The following PTX4 variants were observed in gnomAD, a reference collection of about 807,000 sequenced individuals.
PTX4 encodes pentraxin-4.
PTX4 carries 23 observed loss-of-function variants against 19.1 expected under a neutral mutation model. The ratio of observed to expected loss-of-function variants is 1.20; its 90% CI spans 0.87 to 1.70. The LOEUF is 1.70. Among genes scored for constraint, PTX4 ranks in the 40% most tolerant of loss-of-function variants. PTX4 has a pLI of 0.00. For missense variants in PTX4, 678 were observed against 610.5 expected (o/e 1.11, Z -1.17); for synonymous variants, 317 against 279.6 (o/e 1.13, Z -1.33).
intron 1 of PTX4, chr16:1,488,493 C>T (rs1186965474): frequency 6.2e-7 from 1 of 1,605,062 alleles, no homozygotes; most frequent in South Asian, 1.1e-5. Context: ...CCATGGCCCC[C>T]AGTTCCCCTG....
chr16:1,486,579 A>T lies in PTX4; in HGVS notation c.797T>A (p.Ile266Asn). The part of the protein sequence containing the change: ...QAWSPQVPGE[I>N]CGVGPTLVFP... ...AACGAGGGTGGGGCCCACGCCGCAA[A>T]CTAGAAACAGAGGAGGGAGGGTCAA... Residue 266 changes from isoleucine to asparagine, a missense_variant and splice_region_variant, in exon 3 of 3, where the codon ATT becomes AAT. Physicochemically the swap from Ile to Asn is moderately radical, Grantham distance 149. Coordinates refer to ENST00000447419, the MANE Select transcript of PTX4 (RefSeq NM_001328608.2). 6.5e-7 allele frequency: 1 copy of T among 1,539,364 alleles called. No homozygotes were observed. The highest frequency in any genetic ancestry group is 1.3e-5 in the South Asian group (1 of 78,162).
In PTX4 at chr16:1,486,172, C is replaced by A; in HGVS notation, c.1204G>T (p.Val402Leu). The A allele has an allele frequency of 1.9e-6, 3 of 1,614,044 alleles. No homozygotes were observed. The highest frequency in any genetic ancestry group is 2.5e-6 in the Non-Finnish European group (3 of 1,179,974). The change falls in exon 3 of 3, where the codon GTG becomes TTG. Residue 402 changes from valine to leucine, a missense_variant. Val to Leu is a conservative substitution (Grantham distance 32). Transcript: ENST00000447419. Reference protein sequence around the residue: ...GYEIPPGGSLVLGQEQDSVGG... With the variant: ...GYEIPPGGSLLLGQEQDSVGG... ...ACGCTGTCTTGTTCCTGGCCCAGCACGAGGGACCCTCCGGGGGGGATCTCA... is the reference window on the plus strand; with the variant it reads ...ACGCTGTCTTGTTCCTGGCCCAGCAAGAGGGACCCTCCGGGGGGGATCTCA...
rs534532536 is a variant in PTX4 at position 1,486,370 on chromosome 16, C to T, written c.1006G>A (p.Gly336Arg). Residue 336 changes from glycine to arginine, a missense_variant, in exon 3 of 3, where the codon GGA (glycine) becomes AGA (arginine). Transcript: ENST00000447419. Reference sequence around the variant, plus strand: ...TCCCCGATCACGAAGTGGATGGATCCGGGCAGCAGGGAGTCTCGGCCGTGC... The same window carrying T: ...TCCCCGATCACGAAGTGGATGGATCTGGGCAGCAGGGAGTCTCGGCCGTGC... ...VLHGRDSLLP[G>R]SIHFVIGDPA... is the part of the protein sequence containing the mutation. 7 of 1,613,850 alleles carry T rather than the reference C, an allele frequency of 4.3e-6. No individual in the cohort carries two copies. The highest frequency in any genetic ancestry group is 1.6e-4 in the Middle Eastern group (1 of 6,084).
Position 1,488,770 on chromosome 16 carries a change from T to C in PTX4, c.140A>G (p.Gln47Arg). 1 of 696,874 alleles carries C rather than the reference T, an allele frequency of 1.4e-6. No individual in the cohort carries two copies. Among genetic ancestry groups the C allele is most frequent in the Non-Finnish European group, 2.6e-6 (1 of 382,036 alleles). The allele number at this position is 696,874 out of a possible 1,614,324, so 43.2% of individuals were successfully genotyped here. A position where few individuals can be genotyped will look rare whatever the true frequency, so the allele number is the denominator to read the frequency against. The change falls in exon 1 of 3, where the codon CAG becomes CGG. Residue 47 changes from glutamine to arginine, a missense_variant and splice_region_variant. Physicochemically the swap from Gln to Arg is conservative, Grantham distance 43. Coordinates refer to ENST00000447419, the MANE Select transcript of PTX4 (RefSeq NM_001328608.2). ...CGCCATGTCAGGGGTATAACTTGCC[T>C]GTTCCTCCAGCCTACGGAGCCTCTC... is the stretch of plus-strand genomic sequence containing the variant. ...FFERLRRLEE[Q>R]FRRFQEVTWT... is the part of the protein sequence containing the mutation.
rs747248914 is a variant in PTX4, at chr16:1,488,436, G to A, written c.141+333C>T. On this transcript the variant is annotated intron_variant, in intron 1 of 2. Coordinates refer to ENST00000447419, the MANE Select transcript of PTX4 (RefSeq NM_001328608.2). ...CCGTTCACACCGACTGCCACAAGGT[G>A]GACCTGTGACCTCCCAGTTTCCACT... 2.5e-6 allele frequency: 4 copies of A among 1,613,722 alleles called. No individual in the cohort carries two copies. The Admixed American group carries it at 5.0e-5, about 20-fold the overall frequency.
In PTX4 at chr16:1,486,241, C is replaced by G. The variant is rs768494611; in HGVS notation, c.1135G>C (p.Asp379His). ...STQGRYWLHV[D>H]RRLVATGSRF... ...GAGCCGGTGGCCACCAGCCTGCGAT[C>G]CACGTGGAGCCAGTACCTGCCCTGG... is the stretch of plus-strand genomic sequence containing the variant. Residue 379 changes from aspartate (D) to histidine (H), a missense_variant, in exon 3 of 3, where the codon GAT becomes CAT. By Grantham distance (81) the Asp-to-His change is moderately conservative (BLOSUM62 -1). Coordinates refer to ENST00000447419, the MANE Select transcript of PTX4 (RefSeq NM_001328608.2). 2.5e-6 allele frequency: 4 copies of G among 1,612,194 alleles called. No homozygotes were observed. The highest frequency in any genetic ancestry group is 3.4e-6 in the Non-Finnish European group (4 of 1,179,140).
intron 1 of PTX4, chr16:1,488,272 G>C (rs1230813611): frequency 1.9e-6 from 3 of 1,572,804 alleles, no homozygotes; most frequent in Non-Finnish European, 2.6e-6. Context: ...CGTGATTCCA[G>C]CTCCTGCCTG....
In PTX4 at chr16:1,486,067, C is replaced by G. The variant is rs148351264; in HGVS notation, c.1309G>C (p.Gly437Arg). The change falls in exon 3 of 3, where the codon GGG becomes CGG. Residue 437 changes from glycine to arginine, a missense_variant. Physicochemically the swap from Gly to Arg is moderately radical, Grantham distance 125 (BLOSUM62 -2). Coordinates refer to ENST00000447419, the MANE Select transcript of PTX4 (RefSeq NM_001328608.2). ...CCGATGGCAAGGTTTGCAACTTCCC[C>G]GGGAACCAGCGCCCGATCCCAGATA... ...LAIWDRALVP[G>R]EVANLAIGKE... 410 of 1,614,198 alleles carry G rather than the reference C, an allele frequency of 2.5e-4. 3 individuals are homozygous for G. The highest frequency in any genetic ancestry group is 8.6e-5 in the Non-Finnish European group (102 of 1,180,024).
In PTX4 at chr16:1,488,865, A is replaced by G. The variant is rs1303235603; in HGVS notation, c.45T>C (p.Phe15=). 3 of 701,670 alleles carry G rather than the reference A, an allele frequency of 4.3e-6. No homozygotes were observed. In the Admixed American group the frequency reaches 6.0e-5, roughly 14 times the overall value. The allele number at this position is 701,670 out of a possible 1,614,324, so 43.5% of individuals were successfully genotyped here. Residue 15 remains phenylalanine, a synonymous_variant, in exon 1 of 3, where the codon TTT becomes TTC. Coordinates refer to ENST00000447419, the MANE Select transcript of PTX4 (RefSeq NM_001328608.2). ...WRKTLSFFLV[F]VPIYLHGASS... ...AAGCCCCATGTAGATATATAGGCAC[A>G]AAAACAAGGAAGAAAGACAAGGTCT...
Position 1,488,826 on chromosome 16 carries a change from G to A in PTX4, c.84C>T (p.Ala28=), listed in dbSNP as rs879206454. Residue 28 remains alanine (A), a synonymous_variant, in exon 1 of 3, where the codon GCC becomes GCT. Transcript: ENST00000447419. Reference sequence around the variant, plus strand: ...ACGGTTTCCTGGGCCCCACTGGGGCGGCTTCCTGCGATGAAGCCCCATGTA... The same window carrying A: ...ACGGTTTCCTGGGCCCCACTGGGGCAGCTTCCTGCGATGAAGCCCCATGTA... ...IYLHGASSQE[A]APVGPRKPFF... is the part of the protein sequence containing the mutation. 2.3e-5 allele frequency: 16 copies of A among 702,390 alleles called. No homozygotes were observed. The highest frequency in any genetic ancestry group is 1.5e-4 in the South Asian group (10 of 67,590). 43.5% of individuals were successfully genotyped at this position (702,390 alleles called of 1,614,324 possible). A position where few individuals can be genotyped will look rare whatever the true frequency, so the allele number is the denominator to read the frequency against.
At position 1,487,888 on chromosome 16, in the gene PTX4, CG is replaced by C. The variant is rs1264706264; in HGVS notation, c.223del (p.Arg75GlyfsTer34). ...NYNVSYNVDV[R>X]FRSLAEESQA... ...GCTCTCTTCCGCCAGGCTCCGGAAC[CG>C]GACGTCAACGTTGTAGGACACGTTG... is the stretch of plus-strand genomic sequence containing the variant. On this transcript the variant is annotated frameshift_variant, in exon 2 of 3. Transcript: ENST00000447419. LOFTEE classifies it high-confidence loss of function. The C allele has an allele frequency of 1.6e-5, 25 of 1,612,708 alleles. No individual in the cohort carries two copies. Among genetic ancestry groups the C allele is most frequent in the Non-Finnish European group, 2.0e-5 (24 of 1,179,840 alleles).
chr16:1,486,286 A>G lies in PTX4; in HGVS notation c.1090T>C (p.Cys364Arg), dbSNP rs1456179406. 4 of 1,613,680 alleles carry G rather than the reference A, an allele frequency of 2.5e-6. No homozygotes were observed. Among genetic ancestry groups the G allele is most frequent in the Non-Finnish European group, 3.4e-6 (4 of 1,179,972 alleles). Residue 364 changes from cysteine (C) to arginine (R), a missense_variant, in exon 3 of 3, where the codon TGT (cysteine) becomes CGT (arginine). By Grantham distance (180) the Cys-to-Arg change is radical. Coordinates refer to ENST00000447419, the MANE Select transcript of PTX4 (RefSeq NM_001328608.2). ...CCCTGGGTGGACGTCCAGATGACAC[A>G]GATGTGGTGCCACTGGCCGTCCAGC... ...LLLDGQWHHI[C>R]VIWTSTQGRY...
At chr16:1,486,709 G>T in intron 2 of PTX4, 130 bp from the exon 3 acceptor site, 1 of 967,774 alleles carries the variant, frequency 1.0e-6, no homozygotes, top group Non-Finnish European at 1.5e-6. Context: ...ACTCTGCGCT[G>T]GCCCTGCCGA....
Position 1,486,441 on chromosome 16 carries a change from G to A in PTX4, c.935C>T (p.Thr312Ile). The A allele has an allele frequency of 6.2e-7, 1 of 1,613,824 alleles. No individual in the cohort carries two copies. Among genetic ancestry groups the A allele is most frequent in the Non-Finnish European group, 8.5e-7 (1 of 1,179,930 alleles). ...WVRTASGRLG[T>I]LLSYATEDND... ...GTCCTCGGTGGCGTAGGACAGGAGG[G>A]TGCCCAGGCGGCCGGAGGCCGTGCG... is the stretch of plus-strand genomic sequence containing the variant. The change falls in exon 3 of 3, where the codon ACC becomes ATC. Residue 312 changes from threonine (T) to isoleucine (I), a missense_variant. Coordinates refer to ENST00000447419, the MANE Select transcript of PTX4 (RefSeq NM_001328608.2).
intron 2 of PTX4, among the ~76,000 whole-genome samples, chr16:1,486,803 C>T (rs964782572): frequency 2.0e-5 from 3 of 152,216 alleles, no homozygotes; most frequent in South Asian, 2.1e-4. Context: ...GAGGGCCGTA[C>T]TCGGGAGTGG....
At position 1,487,766 on chromosome 16, in the gene PTX4, G is replaced by A. The variant is rs1335743098; in HGVS notation, c.346C>T (p.Arg116Trp). ...GCCCGCAGCCGCGTGTCTACTTTCC[G>A]GCCTCGGCGCTGCAGCTTCCTCACC... is the stretch of plus-strand genomic sequence containing the variant. ...AWVRKLQRRG[R>W]KVDTRLRALD... is the part of the protein sequence containing the mutation. Residue 116 changes from arginine (R) to tryptophan (W), a missense_variant, in exon 2 of 3, where the codon CGG becomes TGG. Physicochemically the swap from Arg to Trp is moderately radical, Grantham distance 101 (BLOSUM62 -3). Transcript: ENST00000447419. 6 of 1,612,766 alleles carry A rather than the reference G, an allele frequency of 3.7e-6. No individual in the cohort carries two copies. The highest frequency in any genetic ancestry group is 2.2e-5 in the East Asian group (1 of 44,866).
intron 2 of PTX4, 51 bp downstream of exon 2, chr16:1,487,265 G>C (rs754845001): frequency 6.2e-6 from 9 of 1,456,340 alleles, no homozygotes; most frequent in East Asian, 2.6e-5. Flanking sequence ...CCTGGTCTAA[G>C]GAGGAGCTGG....
chr16:1,486,086 C>T lies in PTX4; in HGVS notation c.1290G>A (p.Trp430Ter). Residue 430 changes from tryptophan to a stop codon, truncating the protein, a stop_gained, in exon 3 of 3, where the codon TGG (tryptophan) becomes TGA (stop). Transcript: ENST00000447419. LOFTEE classifies it low-confidence loss of function (END_TRUNC). ...CTTCCCCGGGAACCAGCGCCCGATC[C>T]CAGATAGCCAAGCCAGACATGCTCC... Reference protein sequence around the residue: ...FVGSMSGLAIWDRALVPGEVA... With the variant: ...FVGSMSGLAI 1 of 1,614,206 alleles carries T rather than the reference C, an allele frequency of 6.2e-7. No homozygotes were observed. Among genetic ancestry groups the T allele is most frequent in the Non-Finnish European group, 8.5e-7 (1 of 1,180,026 alleles).
intron 1 of PTX4, chr16:1,488,409 G>A (rs1315324155): frequency 6.2e-7 from 1 of 1,613,728 alleles, no homozygotes; most frequent in Admixed American, 1.7e-5. Flanking sequence ...GAGTCCGGGA[G>A]GCCGTTCACA....
Sources: gnomAD v4.1 joint callset for allele counts (sites outside exome capture counted in the v4.1 genomes callset) on GRCh38, gnomAD v4.1.1 for gene constraint, MANE v1.5 for transcripts, NCBI Gene and HGNC (gene_info 2026-07-23, HGNC 2026-07-21) for gene names.